FBXO11: variants seen among roughly 807,000 people sequenced by gnomAD.
FBXO11 encodes the protein F-box only protein 11.
Under a neutral mutation model 117.0 loss-of-function variants are expected in FBXO11, and 13 were observed. That is an observed-to-expected ratio of 0.11 (90% CI 0.07 to 0.18). The LOEUF is 0.18. FBXO11 is among the 10% of genes least tolerant of loss of function. The pLI is 1.00. For missense variants in FBXO11, 767 were observed against 1,164.4 expected, an observed-to-expected ratio of 0.66 and a Z score of 4.97; for synonymous variants, 490 against 380.5, an observed-to-expected ratio of 1.29 and a Z score of -3.35.
intron 1 of FBXO11, among the ~76,000 whole-genome samples, chr2:47,904,209 C>CA (rs1426256070): frequency 6.6e-6 from 1 of 152,132 alleles, no homozygotes; most frequent in African/African-American, 2.4e-5. Context: ...GGTGTGACAA[C>CA]AAACGCATGT....
chr2:47,823,395 C>G, intron 11 of FBXO11, 35 bp from the exon 12 acceptor site: 1 of 1,441,476 alleles, frequency 6.9e-7, no homozygotes, highest in Non-Finnish European at 9.4e-7. Context: ...GTAGGTAAAG[C>G]CTACTTTACA....
chr2:47,821,229 T>A (rs929927754), intron 13 of FBXO11, among the ~76,000 whole-genome samples: 2 of 152,140 alleles, frequency 1.3e-5, no homozygotes, highest in Non-Finnish European at 2.9e-5. Flanking sequence ...CCCAGCAATC[T>A]GGGAGGCTGA....
intron 11 of FBXO11, among the ~76,000 whole-genome samples, chr2:47,825,735 C>G (rs564976457): frequency 1.3e-5 from 2 of 152,162 alleles, no homozygotes; most frequent in South Asian, 4.1e-4. Flanking sequence ...TGGCACCAAG[C>G]CTGGCCAATT....
intron 12 of FBXO11, 52 bp downstream of exon 12, chr2:47,823,091 A>G (rs1671507217): frequency 7.4e-7 from 1 of 1,348,260 alleles, no homozygotes; most frequent in Non-Finnish European, 1.0e-6. Flanking sequence ...TTGACTTTTA[A>G]GCAAACCTTG....
chr2:47,839,623 C>G lies in FBXO11; in HGVS notation c.360+19G>C. On this transcript the variant is annotated intron_variant, in intron 2 of 22. Transcript: ENST00000403359. ...AATTCTTTCATTACAAAAAGAAAAGCAACTACAGTTAAAGTTACCTCCATA... is the reference window on the plus strand; with the variant it reads ...AATTCTTTCATTACAAAAAGAAAAGGAACTACAGTTAAAGTTACCTCCATA... 1 of 1,606,404 alleles carries G rather than the reference C, an allele frequency of 6.2e-7. No individual in the cohort carries two copies. The highest frequency in any genetic ancestry group is 1.7e-4 in the Middle Eastern group (1 of 6,038).
At chr2:47,835,299 A>G (rs1672466726) in intron 5 of FBXO11, among the ~76,000 whole-genome samples, 1 of 151,812 alleles carries the variant, frequency 6.6e-6, no homozygotes, top group Non-Finnish European at 1.5e-5. Context: ...CCGTATAACA[A>G]TTAAGCTAAA....
intron 1 of FBXO11, among the ~76,000 whole-genome samples, chr2:47,853,576 C>A (rs1572848858): frequency 6.6e-6 from 1 of 152,112 alleles, no homozygotes; most frequent in South Asian, 2.1e-4. Context: ...GGTTACATTC[C>A]TGGCTTAGTA....
intron 1 of FBXO11, among the ~76,000 whole-genome samples, chr2:47,876,122 G>T (rs1342801158): frequency 1.3e-5 from 2 of 152,164 alleles, no homozygotes; most frequent in African/African-American, 4.8e-5. Context: ...CATTCAGGTA[G>T]TCTGGCTGCA....
chr2:47,884,525 A>AT (rs1158812580), intron 1 of FBXO11, among the ~76,000 whole-genome samples: 1 of 152,118 alleles, frequency 6.6e-6, no homozygotes, highest in Non-Finnish European at 1.5e-5. Context: ...AGGTTGATGC[A>AT]TTTTTCCTCT....
chr2:47,808,527 C>T, intron 21 of FBXO11, 100 bp from the exon 22 acceptor site: 3 of 1,044,142 alleles, frequency 2.9e-6, no homozygotes, highest in South Asian at 3.8e-5. Context: ...TTTAAGAGGA[C>T]CAAAACAAAA....
rs1313498696 is a variant in FBXO11, at chr2:47,834,541, A to G, written c.934+38T>C. 6 of 1,475,434 alleles carry G rather than the reference A, an allele frequency of 4.1e-6. No individual in the cohort carries two copies. The East Asian group carries it at 7.0e-5, about 17-fold the overall frequency. 91.4% of individuals were successfully genotyped at this position (1,475,434 alleles called of 1,614,324 possible). On this transcript the variant is annotated intron_variant, in intron 7 of 22. Transcript: ENST00000403359. ...TAAAATCCTATCACATAAATGAGTA[A>G]AATATTAAAATTTTAATGACAATGC...
intron 1 of FBXO11, among the ~76,000 whole-genome samples, chr2:47,885,987 T>TATTC (rs1160250907): frequency 2.2e-5 from 3 of 134,328 alleles, no homozygotes; most frequent in Non-Finnish European, 5.4e-5. Context: ...GTATCTCATG[T>TATTC]ATTCATTCAT....
At chr2:47,821,012 C>A (rs1017937267) in intron 13 of FBXO11, among the ~76,000 whole-genome samples, 5 of 152,182 alleles carry the variant, frequency 3.3e-5, no homozygotes, top group Non-Finnish European at 7.3e-5. Context: ...TTTTCTTTCT[C>A]TAATTAGCAC....
chr2:47,847,978 G>C (rs541112484), intron 1 of FBXO11, among the ~76,000 whole-genome samples: 1 of 151,994 alleles, frequency 6.6e-6, no homozygotes, highest in South Asian at 2.1e-4. Flanking sequence ...CAAAAAATTA[G>C]CCGGGCGTGG....
At chr2:47,831,427 GAAAA>G (rs920107554) in intron 11 of FBXO11, among the ~76,000 whole-genome samples, 1 of 65,748 alleles carries the variant, frequency 1.5e-5, no homozygotes, top group Non-Finnish European at 2.8e-5. Flanking sequence ...GTCTCAAAAA[GAAAA>G]AAAAAAAAAA....
chr2:47,816,682 G>A (rs933959369), intron 16 of FBXO11, among the ~76,000 whole-genome samples: 1 of 152,170 alleles, frequency 6.6e-6, no homozygotes, highest in African/African-American at 2.4e-5. Flanking sequence ...TAGCAGGCGT[G>A]AAAACAACAA....
chr2:47,872,356 C>T (rs571364737), intron 1 of FBXO11, among the ~76,000 whole-genome samples: 2 of 152,318 alleles, frequency 1.3e-5, no homozygotes, highest in Admixed American at 1.3e-4. Flanking sequence ...GACAGTTTCG[C>T]TCCTGTTGCA....
intron 1 of FBXO11, chr2:47,905,218 T>G: frequency 1.3e-5 from 3 of 225,652 alleles, no homozygotes; most frequent in East Asian, 1.1e-4. Flanking sequence ...GCCAAAGGGA[T>G]GGGTGGGGGT....
chr2:47,850,001 A>G (rs573563391), intron 1 of FBXO11, among the ~76,000 whole-genome samples: 1 of 152,362 alleles, frequency 6.6e-6, no homozygotes, highest in African/African-American at 2.4e-5. Flanking sequence ...CAAACAATGC[A>G]AAAACAACTG....
Sources: allele counts gnomAD v4.1 joint callset (sites outside exome capture counted in the v4.1 genomes callset), GRCh38; gene constraint gnomAD v4.1.1; transcripts MANE v1.5; gene names NCBI Gene and HGNC (gene_info 2026-07-23, HGNC 2026-07-21).